The following STK32B variants were observed in gnomAD, a reference collection of about 807,000 sequenced individuals.
STK32B encodes serine/threonine kinase 32B.
A neutral mutation model predicts 52.6 loss-of-function variants in STK32B; 43 were observed. The observed-to-expected ratio is 0.82, with a 90% CI of 0.64 to 1.05. STK32B has a LOEUF of 1.05. Ranked by LOEUF, STK32B falls within the 50% of genes least tolerant of loss-of-function variation. The pLI, the probability that STK32B is intolerant of heterozygous loss-of-function variation, is 0.00. For synonymous variants in STK32B, 238 were observed against 204.3 expected, an observed-to-expected ratio of 1.17 and a Z score of -1.41; for missense variants, 621 against 534.6, an observed-to-expected ratio of 1.16 and a Z score of -1.59.
At position 5,460,281 on chromosome 4, in the gene STK32B, T is replaced by C; in HGVS notation, c.909+53T>C. 6.4e-7 allele frequency: 1 copy of C among 1,564,162 alleles called. No homozygotes were observed. The highest frequency in any genetic ancestry group is 1.2e-5 in the South Asian group (1 of 81,862). On this transcript the variant is annotated intron_variant, in intron 9 of 11. Coordinates refer to ENST00000282908, the MANE Select transcript of STK32B (RefSeq NM_018401.3). This position sits in a 1 kb window ranked among gnomAD's most constrained non-coding sequence, Gnocchi z 4.8. The stretch of plus-strand genomic sequence containing the variant: ...GCCACCCCTCTGCAGGGTCCCCGCC[T>C]TGGTGCAAAGCAAGACTTTGGCAGC...
intron 7 of STK32B, among the ~76,000 whole-genome samples, chr4:5,455,427 A>G (rs970002626): frequency 3.3e-5 from 5 of 152,228 alleles, no homozygotes; most frequent in African/African-American, 9.7e-5. Context: ...TGCCGCATGC[A>G]TAGGAAATCA....
chr4:5,498,945 G>C lies in STK32B; in HGVS notation c.1107G>C (p.Lys369Asn). Residue 369 changes from lysine (K) to asparagine (N), a missense_variant and splice_region_variant, in exon 12 of 12, where the codon AAG becomes AAC. Coordinates refer to ENST00000282908, the MANE Select transcript of STK32B (RefSeq NM_018401.3). ...REEFIIFNRE[K>N]LRRQQGQGSQ... Reference sequence around the variant, plus strand: ...AACTCAGATCTGTGCTTGTTTGCAGGCTCAGGAGGCAGCAGGGACAGGGCA... The same window carrying C: ...AACTCAGATCTGTGCTTGTTTGCAGCCTCAGGAGGCAGCAGGGACAGGGCA... The C allele has an allele frequency of 3.7e-6, 6 of 1,611,444 alleles. No homozygotes were observed. Among genetic ancestry groups the C allele is most frequent in the Non-Finnish European group, 5.1e-6 (6 of 1,178,616 alleles).
chr4:5,365,503 A>G (rs1052739160), intron 4 of STK32B, among the ~76,000 whole-genome samples: 7 of 152,218 alleles, frequency 4.6e-5, no homozygotes, highest in African/African-American at 1.2e-4. Context: ...AAGTCTGTCA[A>G]TGTTCTCACC....
chr4:5,211,771 T>C (rs1722920306), intron 3 of STK32B, among the ~76,000 whole-genome samples: 1 of 152,174 alleles, frequency 6.6e-6, no homozygotes, highest in South Asian at 2.1e-4. Context: ...CAGAGTAAAA[T>C]GCACATTTGT....
chr4:5,482,936 C>A (rs1718843492), intron 11 of STK32B, among the ~76,000 whole-genome samples: 2 of 152,188 alleles, frequency 1.3e-5, no homozygotes, highest in African/African-American at 4.8e-5. Flanking sequence ...AGGGATGTAG[C>A]CCACTTGATC....
chr4:5,203,180 C>G (rs2108777364), intron 3 of STK32B, among the ~76,000 whole-genome samples: 1 of 152,252 alleles, frequency 6.6e-6, no homozygotes, highest in East Asian at 1.9e-4. Context: ...ATAGTGCAGC[C>G]TACTTAGGAC....
rs918365788 is a variant in STK32B at position 5,378,267 on chromosome 4, G to C, written c.435-19940G>C. ...GAAGACAGGCAAGGAGGGAACTGAT[G>C]AGCGGGGACAAGGATGACAGTCCAT... On this transcript the variant is annotated intron_variant, in intron 4 of 11. Coordinates refer to ENST00000282908, the MANE Select transcript of STK32B (RefSeq NM_018401.3). The surrounding 1 kb of genome is among the most constrained non-coding windows in gnomAD (Gnocchi z 4.4). 2.0e-5 allele frequency among the ~76,000 whole-genome samples: 3 copies of C among 152,188 alleles called. No individual in the cohort carries two copies. Among genetic ancestry groups the C allele is most frequent in the Admixed American group, 1.3e-4 (2 of 15,284 alleles).
rs1481072853 is a variant in STK32B at position 5,269,123 on chromosome 4, GCA to G, written c.261-62094_261-62093del. ...ATCAGTGTACCAGAGAGCAGAGCAT[GCA>G]CAGAGACCTCGAGAGATATGAAGAG... On this transcript the variant is annotated intron_variant, in intron 3 of 11. Transcript: ENST00000282908. Among the ~76,000 whole-genome samples, 5 of 152,280 alleles carry G rather than the reference GCA, an allele frequency of 3.3e-5. No individual in the cohort carries two copies. In the East Asian group the frequency reaches 5.8e-4, roughly 18 times the overall value.
chr4:5,382,001 T>C (rs1053465350), intron 4 of STK32B, among the ~76,000 whole-genome samples: 13 of 152,194 alleles, frequency 8.5e-5, no homozygotes, highest in Non-Finnish European at 1.6e-4. Flanking sequence ...AGAGCTGATG[T>C]TGCAGTTCAA....
At chr4:5,203,649 C>G (rs190447942) in intron 3 of STK32B, among the ~76,000 whole-genome samples, 1 of 152,184 alleles carries the variant, frequency 6.6e-6, no homozygotes, top group Admixed American at 6.5e-5. Flanking sequence ...CTGCCTGATA[C>G]GGCGCACAGT....
At chr4:5,361,972 T>C (rs79015516) in intron 4 of STK32B, among the ~76,000 whole-genome samples, 1,585 of 152,346 alleles carry the variant, frequency 0.01, 25 homozygotes, top group East Asian at 0.075. Context: ...ATATTCATAC[T>C]AATTGAGGTT....
chr4:5,402,456 C>A lies in STK32B; in HGVS notation c.472+4212C>A, dbSNP rs114588066. 4.2e-3 allele frequency among the ~76,000 whole-genome samples: 634 copies of A among 152,332 alleles called. 5 individuals are homozygous for A. The highest frequency in any genetic ancestry group is 0.015 in the African/African-American group (617 of 41,578). On this transcript the variant is annotated intron_variant, in intron 5 of 11. Transcript: ENST00000282908. ...CCACTGAGGGCCCTGGTTCAAAGGTCATTTATGATGACCATAAAGAATGTA... is the reference window on the plus strand; with the variant it reads ...CCACTGAGGGCCCTGGTTCAAAGGTAATTTATGATGACCATAAAGAATGTA...
intron 4 of STK32B, among the ~76,000 whole-genome samples, chr4:5,333,136 T>G (rs1384587409): frequency 6.6e-6 from 1 of 151,990 alleles, no homozygotes; most frequent in Non-Finnish European, 1.5e-5. Context: ...TTCCTATTTC[T>G]CCACATCCTC....
intron 3 of STK32B, among the ~76,000 whole-genome samples, chr4:5,305,968 A>C (rs1433828808): frequency 1.3e-5 from 2 of 152,130 alleles, no homozygotes; most frequent in Admixed American, 1.3e-4. Context: ...TGATCCAGTG[A>C]TCATTCAGGA....
At chr4:5,263,936 GC>G (rs1217648610) in intron 3 of STK32B, among the ~76,000 whole-genome samples, 1 of 152,106 alleles carries the variant, frequency 6.6e-6, no homozygotes, top group Non-Finnish European at 1.5e-5. Flanking sequence ...ATTGTGCCTG[GC>G]TTCTTTCACA....
intron 2 of STK32B, among the ~76,000 whole-genome samples, chr4:5,146,159 T>A (rs189430459): frequency 6.6e-6 from 1 of 152,014 alleles, no homozygotes; most frequent in African/African-American, 2.4e-5. Flanking sequence ...ATAGGATATA[T>A]GTATATATGA....
intron 1 of STK32B, among the ~76,000 whole-genome samples, chr4:5,111,301 A>G (rs1462600359): frequency 6.6e-6 from 1 of 152,166 alleles, no homozygotes; most frequent in African/African-American, 2.4e-5. Flanking sequence ...CACAAAAAAG[A>G]CACCTGCACT....
chr4:5,204,200 T>G (rs1722379277), intron 3 of STK32B: 1 of 152,198 alleles, frequency 6.6e-6, no homozygotes, highest in African/African-American at 2.4e-5. Flanking sequence ...GGTAGAATTG[T>G]ATTAATAGAT....
At chr4:5,238,754 T>TTCAC (rs1385412739) in intron 3 of STK32B, among the ~76,000 whole-genome samples, 6 of 152,202 alleles carry the variant, frequency 3.9e-5, no homozygotes, top group East Asian at 1.9e-4. Context: ...CATTCATTCC[T>TTCAC]TCACTCACTC....
Sources: allele counts gnomAD v4.1 joint callset (sites outside exome capture counted in the v4.1 genomes callset), GRCh38; gene constraint gnomAD v4.1.1; non-coding constraint Gnocchi (gnomAD v3.1); transcripts MANE v1.5; gene names NCBI Gene and HGNC (gene_info 2026-07-23, HGNC 2026-07-21).